Variants in HDAC9 observed in about 807,000 individuals in gnomAD.
The protein encoded by HDAC9 is histone deacetylase 9.
HDAC9 carries 41 observed loss-of-function variants against 139.4 expected under a neutral mutation model. The observed-to-expected ratio is 0.29, with a 90% CI of 0.23 to 0.38. The LOEUF is 0.38. HDAC9 is among the 10% of genes least tolerant of loss of function. The pLI, the probability that HDAC9 is intolerant of heterozygous loss-of-function variation, is 1.00. For synonymous variants in HDAC9, 517 were observed against 476.2 expected (o/e 1.09, Z -1.12); for missense variants, 1,147 against 1,297.0 (o/e 0.88, Z 1.78).
At chr7:18,878,609 G>A (rs576600184) in intron 22 of HDAC9, among the ~76,000 whole-genome samples, 14 of 152,106 alleles carry the variant, frequency 9.2e-5, no homozygotes, top group African/African-American at 2.6e-4. Context: ...AAAATTCAAC[G>A]CCCCTTCTTG....
chr7:18,621,794 T>A (rs1276474786), intron 6 of HDAC9, among the ~76,000 whole-genome samples: 1 of 152,228 alleles, frequency 6.6e-6, no homozygotes, highest in African/African-American at 2.4e-5. Context: ...TGCCAAGTAG[T>A]ACTTTTGAAA....
At chr7:18,864,975 C>T (rs570499049) in intron 21 of HDAC9, among the ~76,000 whole-genome samples, 10 of 152,240 alleles carry the variant, frequency 6.6e-5, no homozygotes, top group Admixed American at 3.9e-4. Flanking sequence ...TCCCTTTGAC[C>T]GTAGTGTGTC....
intron 2 of HDAC9, among the ~76,000 whole-genome samples, chr7:18,174,559 T>C (rs920441899): frequency 4.6e-5 from 7 of 152,236 alleles, no homozygotes; most frequent in African/African-American, 1.7e-4. Flanking sequence ...TCAACTTTTC[T>C]GCTCTGGTTT....
At chr7:18,284,633 T>C (rs1007284915) in intron 2 of HDAC9, among the ~76,000 whole-genome samples, 1 of 152,144 alleles carries the variant, frequency 6.6e-6, no homozygotes, top group Non-Finnish European at 1.5e-5. Context: ...TGTGAGAACT[T>C]GGCCGATTTA....
At chr7:18,918,198 T>G (rs1803379662) in intron 22 of HDAC9, among the ~76,000 whole-genome samples, 1 of 151,966 alleles carries the variant, frequency 6.6e-6, no homozygotes, top group African/African-American at 2.4e-5. Context: ...TCAGTGATAA[T>G]GGGTATAACT....
intron 8 of HDAC9, 53 bp downstream of exon 8, chr7:18,634,795 C>A: frequency 9.0e-7 from 1 of 1,111,694 alleles, no homozygotes; most frequent in Non-Finnish European, 1.3e-6. Flanking sequence ...TGATTAGCTA[C>A]CTAATACAAA....
At chr7:18,893,337 A>G (rs1800865329) in intron 22 of HDAC9, among the ~76,000 whole-genome samples, 1 of 152,148 alleles carries the variant, frequency 6.6e-6, no homozygotes, top group South Asian at 2.1e-4. Flanking sequence ...CTCCTTATCA[A>G]CCAAATACCA....
chr7:18,274,838 C>T (rs567787543), intron 2 of HDAC9, among the ~76,000 whole-genome samples: 22 of 152,222 alleles, frequency 1.4e-4, no homozygotes, highest in African/African-American at 5.3e-4. Flanking sequence ...AGGTTATGTA[C>T]ATATGAAATA....
chr7:18,516,237 G>A lies in HDAC9; in HGVS notation c.22+19913G>A, dbSNP rs551044769. ...TAGAGAATAAAACCTCAGATGGTTG[G>A]GCTTATTGCGTTGGTTTCTAAAATG... On this transcript the variant is annotated intron_variant, in intron 2 of 25. Transcript: ENST00000686413. 7.6e-4 allele frequency among the ~76,000 whole-genome samples: 115 copies of A among 152,214 alleles called. 1 individual carries two copies. The highest frequency in any genetic ancestry group is 1.5e-3 in the Non-Finnish European group (100 of 68,004).
chr7:18,228,915 A>G (rs1793253902), intron 2 of HDAC9, among the ~76,000 whole-genome samples: 1 of 152,138 alleles, frequency 6.6e-6, no homozygotes, highest in Non-Finnish European at 1.5e-5. Context: ...TCTGAAAGGG[A>G]CTTTATGTGT....
At chr7:18,580,030 A>G (rs551119192) in intron 2 of HDAC9, among the ~76,000 whole-genome samples, 2 of 152,338 alleles carry the variant, frequency 1.3e-5, no homozygotes, top group Admixed American at 6.5e-5. Flanking sequence ...TGTTTGTTAT[A>G]CTATGAATAG....
intron 21 of HDAC9, among the ~76,000 whole-genome samples, chr7:18,871,696 G>A (rs146370548): frequency 5.1e-4 from 78 of 152,026 alleles, no homozygotes; most frequent in African/African-American, 1.4e-3. Flanking sequence ...TTCCTACTTC[G>A]TACCCTCAAA....
chr7:18,988,173 C>T (rs1214880491), intron 25 of HDAC9, among the ~76,000 whole-genome samples: 1 of 152,106 alleles, frequency 6.6e-6, no homozygotes, highest in Non-Finnish European at 1.5e-5. Context: ...AATTTTGGAT[C>T]TTTCCTGCTT....
At chr7:18,514,506 A>G (rs2128196556) in intron 2 of HDAC9, among the ~76,000 whole-genome samples, 1 of 152,370 alleles carries the variant, frequency 6.6e-6, no homozygotes, top group East Asian at 1.9e-4. Flanking sequence ...TCAGTTAAGC[A>G]CAATAACAGA....
intron 25 of HDAC9, among the ~76,000 whole-genome samples, chr7:18,981,571 T>A (rs140634081): frequency 2.0e-5 from 3 of 152,238 alleles, no homozygotes; most frequent in Non-Finnish European, 4.4e-5. Flanking sequence ...CTTCTGGAGG[T>A]TGCCTGCATT....
intron 1 of HDAC9, among the ~76,000 whole-genome samples, chr7:18,299,477 C>T (rs746602992): frequency 4.6e-5 from 7 of 151,978 alleles, no homozygotes; most frequent in Non-Finnish European, 7.4e-5. Context: ...ACTTTACTGG[C>T]GAGGGTACTT....
At chr7:18,192,107 T>C (rs1188045788) in intron 2 of HDAC9, among the ~76,000 whole-genome samples, 1 of 152,168 alleles carries the variant, frequency 6.6e-6, no homozygotes. Flanking sequence ...TGAGGTAGGA[T>C]GAACCCGGCC....
intron 1 of HDAC9, among the ~76,000 whole-genome samples, chr7:18,454,100 T>G (rs1004159115): frequency 1.3e-5 from 2 of 152,144 alleles, no homozygotes; most frequent in Non-Finnish European, 2.9e-5. Context: ...TTCTGAAGTG[T>G]TAATTATGGA....
chr7:18,244,805 G>A (rs1473557966), intron 2 of HDAC9, among the ~76,000 whole-genome samples: 1 of 101,908 alleles, frequency 9.8e-6, no homozygotes, highest in Non-Finnish European at 2.0e-5. Flanking sequence ...GTGAGCCTCT[G>A]TCTCAAAAAT....
Sources: gnomAD v4.1 joint callset for allele counts (sites outside exome capture counted in the v4.1 genomes callset) on GRCh38, gnomAD v4.1.1 for gene constraint, MANE v1.5 for transcripts, NCBI Gene and HGNC (gene_info 2026-07-23, HGNC 2026-07-21) for gene names.